CDC42BPA: variants seen among roughly 807,000 people sequenced by gnomAD.
CDC42BPA encodes the protein serine/threonine-protein kinase MRCK alpha.
Under a neutral mutation model 223.5 loss-of-function variants are expected in CDC42BPA, and 80 were observed. The ratio of observed to expected loss-of-function variants is 0.36; its 90% CI spans 0.30 to 0.43. The LOEUF (loss-of-function observed/expected upper bound fraction) is 0.43. CDC42BPA is among the 20% of genes least tolerant of loss of function. CDC42BPA has a pLI of 1.00. For missense variants in CDC42BPA, 1,743 were observed against 2,099.9 expected (o/e 0.83, Z 3.32); for synonymous variants, 694 against 718.6 (o/e 0.97, Z 0.55).
intron 12 of CDC42BPA, among the ~76,000 whole-genome samples, chr1:227,113,137 C>T (rs1312148044): frequency 6.6e-6 from 1 of 152,168 alleles, no homozygotes; most frequent in African/African-American, 2.4e-5. Flanking sequence ...GCTGATTTAA[C>T]CTTATAGTAC....
At chr1:227,051,492 A>G (rs1212608437) in intron 22 of CDC42BPA, among the ~76,000 whole-genome samples, 1 of 152,168 alleles carries the variant, frequency 6.6e-6, no homozygotes, top group Non-Finnish European at 1.5e-5. Flanking sequence ...TTTCAGCTCT[A>G]TTTATGATGT....
chr1:227,011,846 T>C (rs1027096374), intron 34 of CDC42BPA, among the ~76,000 whole-genome samples: 1 of 152,212 alleles, frequency 6.6e-6, no homozygotes, highest in African/African-American at 2.4e-5. Flanking sequence ...ATTTTCAAGA[T>C]TCAGTTCTTG....
At chr1:227,192,746 TTAAATA>T (rs1300794567) in intron 5 of CDC42BPA, among the ~76,000 whole-genome samples, 1 of 152,208 alleles carries the variant, frequency 6.6e-6, no homozygotes, top group Non-Finnish European at 1.5e-5. Flanking sequence ...TTTAAAATTT[TTAAATA>T]TAAAGTATTA....
chr1:227,089,651 TA>T (rs67536577), intron 16 of CDC42BPA, among the ~76,000 whole-genome samples: 18,655 of 118,922 alleles, frequency 0.16, 1,471 homozygotes, highest in South Asian at 0.37. Flanking sequence ...TTTTTTTTTT[TA>T]AAAACAAACT....
chr1:227,065,960 CA>C (rs1205474902), intron 21 of CDC42BPA, among the ~76,000 whole-genome samples: 4 of 152,114 alleles, frequency 2.6e-5, no homozygotes, highest in African/African-American at 9.6e-5. Flanking sequence ...AGCAACGAGA[CA>C]GAAAACAAAA....
intron 5 of CDC42BPA, among the ~76,000 whole-genome samples, chr1:227,192,641 T>C (rs1389365797): frequency 1.3e-5 from 2 of 152,222 alleles, no homozygotes; most frequent in East Asian, 1.9e-4. Context: ...TTTCCTACTT[T>C]CCTCTTAAAA....
Position 227,026,169 on chromosome 1 carries a change from G to A in CDC42BPA, c.4433-17C>T, listed in dbSNP as rs756167470. 7.1e-7 allele frequency: 1 copy of A among 1,408,278 alleles called. No individual in the cohort carries two copies. Among genetic ancestry groups the A allele is most frequent in the Non-Finnish European group, 9.9e-7 (1 of 1,006,416 alleles). The allele number at this position is 1,408,278 out of a possible 1,614,324, so 87.2% of individuals were successfully genotyped here. ...CATTGTAACCTGGGAGAAGGGAAGG[G>A]GGGGCAGCTTGCGGATTACTTTTAA... is the stretch of plus-strand genomic sequence containing the variant. On this transcript the variant is annotated splice_polypyrimidine_tract_variant and intron_variant, in intron 30 of 36. Coordinates refer to ENST00000366766, the MANE Select transcript of CDC42BPA (RefSeq NM_001394014.1).
At chr1:227,277,837 C>T (rs555821236) in intron 1 of CDC42BPA, among the ~76,000 whole-genome samples, 87 of 152,260 alleles carry the variant, frequency 5.7e-4, no homozygotes, top group African/African-American at 2.0e-3. Flanking sequence ...GCAAGCTCCA[C>T]CTCCATGGTT....
At chr1:227,021,139 A>T (rs1306116586) in intron 32 of CDC42BPA, among the ~76,000 whole-genome samples, 1 of 152,232 alleles carries the variant, frequency 6.6e-6, no homozygotes, top group Non-Finnish European at 1.5e-5. Flanking sequence ...ACCGTAACAG[A>T]CAGAATAACA....
Position 227,074,105 on chromosome 1 carries a change from G to T in CDC42BPA, c.2587-93C>A. ...GCTGTGTGTTATGTTTTTCTAAACT[G>T]GAAAAGACCCAAACTAATAGTTTTC... is the stretch of plus-strand genomic sequence containing the variant. On this transcript the variant is annotated intron_variant, in intron 18 of 36. Transcript: ENST00000366766. The T allele has an allele frequency of 2.1e-6, 3 of 1,455,864 alleles. No individual in the cohort carries two copies. The South Asian group carries it at 3.7e-5, about 18-fold the overall frequency. 90.2% of individuals were successfully genotyped at this position (1,455,864 alleles called of 1,614,324 possible).
intron 3 of CDC42BPA, among the ~76,000 whole-genome samples, chr1:227,202,231 C>T (rs984603290): frequency 3.9e-5 from 6 of 152,152 alleles, no homozygotes; most frequent in African/African-American, 1.2e-4. Flanking sequence ...ATCCGCCCAC[C>T]TTGGCCTCCC....
chr1:227,090,152 G>T (rs942556176), intron 16 of CDC42BPA, among the ~76,000 whole-genome samples: 3 of 152,122 alleles, frequency 2.0e-5, no homozygotes, highest in Non-Finnish European at 4.4e-5. Context: ...TACAATGTTT[G>T]TGTATGTTAG....
Position 226,994,248 on chromosome 1 carries a change from G to C in CDC42BPA, c.*20C>G, listed in dbSNP as rs1165138959. ...GAGTGGCAGGGAGCGGAGAGCGAGA[G>C]GTCCCAGTGCTGAGGCAGCTCACGG... On this transcript the variant is annotated 3_prime_UTR_variant, in exon 37 of 37. Coordinates refer to ENST00000366766, the MANE Select transcript of CDC42BPA (RefSeq NM_001394014.1). This position sits in a 1 kb window ranked among gnomAD's most constrained non-coding sequence, Gnocchi z 4.0. 3.2e-6 allele frequency: 5 copies of C among 1,560,368 alleles called. No homozygotes were observed. The African/African-American group carries it at 5.4e-5, about 17-fold the overall frequency.
chr1:227,276,250 C>T (rs539943666), intron 1 of CDC42BPA, among the ~76,000 whole-genome samples: 4 of 150,212 alleles, frequency 2.7e-5, no homozygotes, highest in African/African-American at 9.8e-5. Context: ...TCTGCCCGGC[C>T]GCGACCCCGT....
chr1:227,213,042 T>C (rs1389718909), intron 3 of CDC42BPA, 94 bp downstream of exon 3: 1 of 619,576 alleles, frequency 1.6e-6, no homozygotes, highest in African/African-American at 1.9e-5. Flanking sequence ...AGACAAAATG[T>C]TACCAAGTAA....
intron 21 of CDC42BPA, among the ~76,000 whole-genome samples, chr1:227,059,015 A>C (rs948466389): frequency 6.6e-6 from 1 of 152,164 alleles, no homozygotes. Flanking sequence ...AAAATCTCTA[A>C]GAAACAATCT....
chr1:227,300,065 T>A (rs1219219891), intron 1 of CDC42BPA, among the ~76,000 whole-genome samples: 1 of 149,276 alleles, frequency 6.7e-6, no homozygotes, highest in African/African-American at 2.5e-5. Context: ...GGTCAGTTCT[T>A]TAGATTTTCA....
intron 1 of CDC42BPA, among the ~76,000 whole-genome samples, chr1:227,309,657 C>T (rs16847617): frequency 0.31 from 46,807 of 152,014 alleles, 7,382 homozygotes; most frequent in East Asian, 0.37. Context: ...TTCAGATAGA[C>T]AATAGTTTTG....
intron 31 of CDC42BPA, among the ~76,000 whole-genome samples, chr1:227,024,999 G>A (rs1295597941): frequency 6.6e-6 from 1 of 152,122 alleles, no homozygotes; most frequent in Non-Finnish European, 1.5e-5. Context: ...TTCCAGCACC[G>A]TGGGAGGCCG....
Sources: allele counts gnomAD v4.1 joint callset (sites outside exome capture counted in the v4.1 genomes callset), GRCh38; gene constraint gnomAD v4.1.1; non-coding constraint Gnocchi (gnomAD v3.1); transcripts MANE v1.5; gene names NCBI Gene and HGNC (gene_info 2026-07-23, HGNC 2026-07-21).